The following TBX18 variants were observed in gnomAD, a reference collection of about 807,000 sequenced individuals.
TBX18 encodes the protein T-box transcription factor 18.
Under a neutral mutation model 55.0 loss-of-function variants are expected in TBX18, and 21 were observed. The ratio of observed to expected loss-of-function variants is 0.38; its 90% CI spans 0.27 to 0.55. TBX18 has a LOEUF of 0.55. TBX18 is among the 20% of genes least tolerant of loss of function. The pLI is 0.73. For synonymous variants in TBX18, 342 were observed against 326.1 expected (o/e 1.05, Z -0.53); for missense variants, 840 against 799.6 (o/e 1.05, Z -0.61).
intron 3 of TBX18, among the ~76,000 whole-genome samples, chr6:84,758,817 C>G (rs1397957110): frequency 2.6e-5 from 4 of 152,118 alleles, no homozygotes; most frequent in Non-Finnish European, 5.9e-5. Flanking sequence ...ATAGTACAAA[C>G]AAATTTCTTC....
chr6:84,741,705 C>A (rs922497732), intron 6 of TBX18: 3 of 152,090 alleles, frequency 2.0e-5, no homozygotes, highest in African/African-American at 7.2e-5. Flanking sequence ...AAACCACTAA[C>A]AACAGCACAA....
At chr6:84,758,467 A>T (rs931159544) in intron 3 of TBX18, among the ~76,000 whole-genome samples, 10 of 151,984 alleles carry the variant, frequency 6.6e-5, no homozygotes, top group Admixed American at 6.6e-4. Flanking sequence ...GGTATGATGT[A>T]ATTTCAATAA....
intron 4 of TBX18, among the ~76,000 whole-genome samples, chr6:84,752,954 G>C (rs1322824974): frequency 1.3e-5 from 2 of 152,116 alleles, no homozygotes; most frequent in African/African-American, 4.8e-5. Context: ...TCAACTACAT[G>C]TTTTCCCTCA....
rs780873559 is a variant in TBX18, at chr6:84,763,992, T to C, written c.190A>G (p.Lys64Glu). The change falls in exon 1 of 8, where the codon AAG becomes GAG. Residue 64 changes from lysine (K) to glutamate (E), a missense_variant. Coordinates refer to ENST00000369663, the MANE Select transcript of TBX18 (RefSeq NM_001080508.3). ...CCTTCGTCTCCCTCAGAAGAACCCT[T>C]TTCGCCCGCGCCGCCGCCGCGGCTG... ...GCSRGGGAGE[K>E]GSSEGDEGAA... The C allele has an allele frequency of 1.1e-5, 17 of 1,572,874 alleles. No homozygotes were observed. The South Asian group carries it at 1.9e-4, about 18-fold the overall frequency.
intron 4 of TBX18, among the ~76,000 whole-genome samples, chr6:84,753,340 G>C (rs1767400800): frequency 6.6e-6 from 1 of 151,866 alleles, no homozygotes; most frequent in Non-Finnish European, 1.5e-5. Context: ...CAATCATTTT[G>C]TGTTAAATTA....
intron 6 of TBX18, among the ~76,000 whole-genome samples, chr6:84,740,854 C>A (rs1267820175): frequency 6.6e-6 from 1 of 152,118 alleles, no homozygotes; most frequent in Non-Finnish European, 1.5e-5. Context: ...AACAAGCAAC[C>A]ACTGGACTTA....
intron 6 of TBX18, among the ~76,000 whole-genome samples, chr6:84,743,564 T>C (rs1051042790): frequency 6.6e-5 from 10 of 152,188 alleles, no homozygotes; most frequent in Admixed American, 3.3e-4. Flanking sequence ...TCTCTATTAC[T>C]ACTTACTAAC....
In TBX18 at chr6:84,752,195, A is replaced by G. The variant is rs561546853; in HGVS notation, c.772-4108T>C. Among the ~76,000 whole-genome samples, 4 of 152,290 alleles carry G rather than the reference A, an allele frequency of 2.6e-5. No homozygotes were observed. The South Asian group carries it at 8.3e-4, about 32-fold the overall frequency. On this transcript the variant is annotated intron_variant, in intron 4 of 7. Coordinates refer to ENST00000369663, the MANE Select transcript of TBX18 (RefSeq NM_001080508.3). ...ACACCTAGATTTGAGTCAAAAAAAA[A>G]AAGCATAATATTGTTTATTTCTCAT... is the stretch of plus-strand genomic sequence containing the variant.
Position 84,736,159 on chromosome 6 carries a change from A to G in TBX18, c.*526T>C, listed in dbSNP as rs896315077. ...GGAATGAAAAAGCTGATCCTTCATG[A>G]TTACAAATACCTCAGGACTAACACT... On this transcript the variant is annotated 3_prime_UTR_variant, in exon 8 of 8. Coordinates refer to ENST00000369663, the MANE Select transcript of TBX18 (RefSeq NM_001080508.3). The G allele has an allele frequency of 6.6e-6, 1 of 152,666 alleles. No homozygotes were observed. The highest frequency in any genetic ancestry group is 1.5e-5 in the Non-Finnish European group (1 of 68,052). 9.5% of individuals were successfully genotyped at this position (152,666 alleles called of 1,614,324 possible). A position where few individuals can be genotyped will look rare whatever the true frequency, so the allele number is the denominator to read the frequency against.
At chr6:84,751,070 G>A (rs1486782150) in intron 4 of TBX18, among the ~76,000 whole-genome samples, 1 of 152,076 alleles carries the variant, frequency 6.6e-6, no homozygotes, top group Admixed American at 6.6e-5. Flanking sequence ...AAACTCCCAG[G>A]GAGAATTAGC....
intron 6 of TBX18, chr6:84,742,659 T>A (rs936024846): frequency 1.3e-5 from 2 of 152,094 alleles, no homozygotes; most frequent in Non-Finnish European, 2.9e-5. Context: ...TTTGCTAGAG[T>A]AATTGATAGC....
In TBX18 at chr6:84,753,314, A is replaced by G. The variant is rs1216092295; in HGVS notation, c.771+3384T>C. Among the ~76,000 whole-genome samples the G allele has an allele frequency of 2.0e-5, 3 of 152,196 alleles. No homozygotes were observed. In the East Asian group the frequency reaches 5.8e-4, roughly 29 times the overall value. On this transcript the variant is annotated intron_variant, in intron 4 of 7. Transcript: ENST00000369663. ...CTCCTACGTCCAGTCAAAGCACTGC[A>G]AAGATTTGATTCCTGCAATCATTTT... is the stretch of plus-strand genomic sequence containing the variant.
intron 3 of TBX18, 130 bp from the exon 4 acceptor site, chr6:84,756,999 A>T (rs1020565636): frequency 5.0e-5 from 48 of 957,464 alleles, no homozygotes; most frequent in Non-Finnish European, 7.2e-5. Flanking sequence ...TTACACTAAA[A>T]ATAAAATTTC....
chr6:84,738,681 A>C, intron 6 of TBX18, 90 bp from the exon 7 acceptor site: 1 of 951,978 alleles, frequency 1.1e-6, no homozygotes, highest in Admixed American at 1.7e-5. Context: ...TCTCAAAACA[A>C]CACTGATATT....
chr6:84,736,618 T>C lies in TBX18; in HGVS notation c.*67A>G, dbSNP rs978206898. 2.7e-6 allele frequency: 4 copies of C among 1,458,070 alleles called. No homozygotes were observed. In the African/African-American group the frequency reaches 4.3e-5, roughly 16 times the overall value. 90.3% of individuals were successfully genotyped at this position (1,458,070 alleles called of 1,614,324 possible). ...AAACCACAGAGAGTTTCTTTCCACATAGCTTTTAAAAAAGAAAAAGAAAAT... is the reference window on the plus strand; with the variant it reads ...AAACCACAGAGAGTTTCTTTCCACACAGCTTTTAAAAAAGAAAAAGAAAAT... On this transcript the variant is annotated 3_prime_UTR_variant, in exon 8 of 8. Coordinates refer to ENST00000369663, the MANE Select transcript of TBX18 (RefSeq NM_001080508.3).
intron 5 of TBX18, among the ~76,000 whole-genome samples, chr6:84,747,001 C>T (rs187730794): frequency 6.8e-4 from 104 of 151,966 alleles, no homozygotes; most frequent in African/African-American, 2.2e-3. Flanking sequence ...TGTCTCCATA[C>T]GGATAAGAGC....
chr6:84,762,746 C>T lies in TBX18; in HGVS notation c.295G>A (p.Gly99Ser), dbSNP rs1406027317. 2 of 1,598,058 alleles carry T rather than the reference C, an allele frequency of 1.3e-6. No individual in the cohort carries two copies. Among genetic ancestry groups the T allele is most frequent in the Non-Finnish European group, 1.7e-6 (2 of 1,172,706 alleles). ...CCCTGCTGGAAGCCGTCCTCACAGCCGCCTGGACAGCAAAGGACAGAGAAA... is the reference window on the plus strand; with the variant it reads ...CCCTGCTGGAAGCCGTCCTCACAGCTGCCTGGACAGCAAAGGACAGAGAAA... Reference protein sequence around the residue: ...GADLERGAAGGCEDGFQQGAS... With the variant: ...GADLERGAAGSCEDGFQQGAS... Residue 99 changes from glycine to serine, a missense_variant and splice_region_variant, in exon 2 of 8, where the codon GGC becomes AGC. Transcript: ENST00000369663.
At chr6:84,752,754 A>G (rs1432641571) in intron 4 of TBX18, among the ~76,000 whole-genome samples, 2 of 152,160 alleles carry the variant, frequency 1.3e-5, no homozygotes, top group African/African-American at 4.8e-5. Flanking sequence ...TCAAGGAGAA[A>G]CAGAAAGAGT....
At position 84,732,606 on chromosome 6, in the gene TBX18, G is replaced by A. The variant is rs1582057002; in HGVS notation, c.*4079C>T. 6.6e-6 allele frequency: 1 copy of A among 152,026 alleles called. No individual in the cohort carries two copies. The allele number at this position is 152,026 out of a possible 1,614,324, so 9.4% of individuals were successfully genotyped here. On this transcript the variant is annotated 3_prime_UTR_variant, in exon 8 of 8. Transcript: ENST00000369663. ...AAATAATTTAATGCCATGCAATTAA[G>A]AGCATCATGAAAAAGAAATTTTATT...
Sources: gnomAD v4.1 joint callset for allele counts (sites outside exome capture counted in the v4.1 genomes callset) on GRCh38, gnomAD v4.1.1 for gene constraint, MANE v1.5 for transcripts, NCBI Gene and HGNC (gene_info 2026-07-23, HGNC 2026-07-21) for gene names.